Variants in ADAM22 observed in about 807,000 individuals in gnomAD.
The protein encoded by ADAM22 is disintegrin and metalloproteinase domain-containing protein 22.
ADAM22 carries 65 observed loss-of-function variants against 144.6 expected under a neutral mutation model. That is an observed-to-expected ratio of 0.45 (90% CI 0.37 to 0.55). The LOEUF (loss-of-function observed/expected upper bound fraction) is 0.55, where lower values mean the gene tolerates loss of function less well. Among genes scored for constraint, ADAM22 ranks in the 20% least tolerant of loss-of-function variants. ADAM22 has a pLI of 0.00. For synonymous variants in ADAM22, 391 were observed against 412.6 expected, an observed-to-expected ratio of 0.95 and a Z score of 0.63; for missense variants, 974 against 1,184.9, an observed-to-expected ratio of 0.82 and a Z score of 2.61.
chr7:87,955,325 T>G (rs1318551252), intron 2 of ADAM22, among the ~76,000 whole-genome samples: 2 of 151,984 alleles, frequency 1.3e-5, no homozygotes, highest in African/African-American at 4.9e-5. Context: ...GTGGATGTTC[T>G]TTCTGTTTGT....
Position 88,136,100 on chromosome 7 carries a change from A to G in ADAM22, c.1220+69A>G, listed in dbSNP as rs1832929908. The G allele has an allele frequency of 3.6e-5, 50 of 1,398,798 alleles. No individual in the cohort carries two copies. The South Asian group carries it at 6.4e-4, about 18-fold the overall frequency. 86.6% of individuals were successfully genotyped at this position (1,398,798 alleles called of 1,614,324 possible). A position where few individuals can be genotyped will look rare whatever the true frequency, so the allele number is the denominator to read the frequency against. The stretch of plus-strand genomic sequence containing the variant: ...GCTGTGCTGTTGTCTTCTTAGGAAT[A>G]TGACACTCAATAACTTAGTGCATGG... On this transcript the variant is annotated intron_variant, in intron 14 of 31. Transcript: ENST00000413139.
chr7:87,961,486 A>G (rs916600862), intron 2 of ADAM22, among the ~76,000 whole-genome samples: 2 of 152,200 alleles, frequency 1.3e-5, no homozygotes, highest in Non-Finnish European at 2.9e-5. Context: ...TCCTCTTCCT[A>G]TAATCCCACA....
chr7:88,102,586 C>T (rs1823233071), intron 4 of ADAM22, among the ~76,000 whole-genome samples: 1 of 152,120 alleles, frequency 6.6e-6, no homozygotes. Context: ...GAGAACCTCC[C>T]CTCTAGGGTA....
At chr7:88,081,152 G>T (rs1362615327) in intron 4 of ADAM22, among the ~76,000 whole-genome samples, 1 of 152,020 alleles carries the variant, frequency 6.6e-6, no homozygotes, top group African/African-American at 2.4e-5. Flanking sequence ...GTGATCAAGT[G>T]GGCTTCATCC....
intron 22 of ADAM22, among the ~76,000 whole-genome samples, chr7:88,162,602 TATGCAGGTTTGC>T (rs552581908): frequency 1.3e-3 from 204 of 152,230 alleles, no homozygotes; most frequent in African/African-American, 4.8e-3. Context: ...CTAAATAATA[TATGCAGGTTTGC>T]TATATTGAAT....
chr7:88,140,966 G>A (rs1259147087), intron 14 of ADAM22, among the ~76,000 whole-genome samples: 1 of 152,184 alleles, frequency 6.6e-6, no homozygotes, highest in Non-Finnish European at 1.5e-5. Flanking sequence ...TGGGGAGGTG[G>A]AGGGGGGAGA....
At chr7:88,070,948 C>T (rs1252503625) in intron 3 of ADAM22, among the ~76,000 whole-genome samples, 2 of 152,032 alleles carry the variant, frequency 1.3e-5, no homozygotes, top group African/African-American at 4.8e-5. Flanking sequence ...AGTAAATTGA[C>T]TGGAAAAGCG....
chr7:87,956,091 A>G (rs991355768), intron 2 of ADAM22, among the ~76,000 whole-genome samples: 2 of 152,240 alleles, frequency 1.3e-5, no homozygotes, highest in Admixed American at 6.5e-5. Context: ...GAGTGAGGCA[A>G]TGCCTCACCC....
At chr7:88,152,940 A>T (rs568760349) in intron 20 of ADAM22, among the ~76,000 whole-genome samples, 1 of 152,184 alleles carries the variant, frequency 6.6e-6, no homozygotes, top group African/African-American at 2.4e-5. Context: ...TATTGGCCAA[A>T]TTCTAAGGAG....
rs10527361 is a variant in ADAM22, at chr7:87,982,699, A to ATATATATATATATATATATATATAT, written c.323+4287_323+4288insTATATATATATATATATATATATAT. Among the ~76,000 whole-genome samples, 94 of 62,864 alleles carry ATATATATATATATATATATATATAT rather than the reference A, an allele frequency of 1.5e-3. 2 individuals are homozygous for ATATATATATATATATATATATATAT. Among genetic ancestry groups the ATATATATATATATATATATATATAT allele is most frequent in the Non-Finnish European group, 1.9e-3 (63 of 34,052 alleles). The allele number at this position is 62,864 out of a possible 152,430, so 41.2% of individuals were successfully genotyped here. A position where few individuals can be genotyped will look rare whatever the true frequency, so the allele number is the denominator to read the frequency against. ...TATATATATATATATATATATATAT[A>ATATATATATATATATATATATATAT]ATTTTTTTTTTTGAGATACAGTTTT... On this transcript the variant is annotated intron_variant, in intron 3 of 31. Coordinates refer to ENST00000413139, the MANE Select transcript of ADAM22 (RefSeq NM_001324418.2).
intron 5 of ADAM22, among the ~76,000 whole-genome samples, chr7:88,111,716 G>A (rs1335696838): frequency 1.3e-5 from 2 of 152,022 alleles, no homozygotes; most frequent in Non-Finnish European, 2.9e-5. Context: ...CAAGTATACT[G>A]TTATGGACTC....
chr7:88,030,945 T>G (rs1800103610), intron 3 of ADAM22, among the ~76,000 whole-genome samples: 1 of 152,004 alleles, frequency 6.6e-6, no homozygotes, highest in African/African-American at 2.4e-5. Context: ...TGAAACCCCA[T>G]CTCTACTAAA....
chr7:88,129,510 G>A (rs1242445456), intron 9 of ADAM22, among the ~76,000 whole-genome samples: 1 of 151,990 alleles, frequency 6.6e-6, no homozygotes, highest in Non-Finnish European at 1.5e-5. Context: ...ATTGAGTGCT[G>A]CTTCCTTGTT....
At chr7:88,108,586 G>A (rs548515573) in intron 5 of ADAM22, among the ~76,000 whole-genome samples, 43 of 151,918 alleles carry the variant, frequency 2.8e-4, no homozygotes, top group African/African-American at 9.6e-4. Flanking sequence ...AAAATTAGCC[G>A]GGCATGGTGG....
intron 8 of ADAM22, 132 bp downstream of exon 8, chr7:88,125,791 G>T (rs1563271772): frequency 6.2e-6 from 4 of 642,318 alleles, no homozygotes; most frequent in East Asian, 6.6e-5. Flanking sequence ...TAAACCGTAA[G>T]GGTGATGGAT....
At chr7:88,072,649 A>G (rs1251612366) in intron 3 of ADAM22, among the ~76,000 whole-genome samples, 2 of 152,192 alleles carry the variant, frequency 1.3e-5, no homozygotes, top group African/African-American at 2.4e-5. Context: ...TTAAGTGTCA[A>G]CTTACTTTTG....
chr7:87,953,763 T>A (rs1167090928), intron 2 of ADAM22, among the ~76,000 whole-genome samples: 1 of 152,148 alleles, frequency 6.6e-6, no homozygotes, highest in African/African-American at 2.4e-5. Flanking sequence ...CCCATTATTA[T>A]TGTGTGGGAG....
intron 2 of ADAM22, among the ~76,000 whole-genome samples, chr7:87,960,900 T>A (rs1383934407): frequency 6.6e-6 from 1 of 152,226 alleles, no homozygotes; most frequent in African/African-American, 2.4e-5. Context: ...GAGGTCCTAC[T>A]ATGTGGCACT....
intron 4 of ADAM22, among the ~76,000 whole-genome samples, chr7:88,100,053 C>T (rs1451327136): frequency 2.0e-5 from 3 of 152,104 alleles, no homozygotes; most frequent in Non-Finnish European, 2.9e-5. Flanking sequence ...ATACCAATGT[C>T]AGTTACTTGG....
Sources: gnomAD v4.1 joint callset for allele counts (sites outside exome capture counted in the v4.1 genomes callset) on GRCh38, gnomAD v4.1.1 for gene constraint, MANE v1.5 for transcripts, NCBI Gene and HGNC (gene_info 2026-07-23, HGNC 2026-07-21) for gene names.